Variants in DSCAM observed in about 807,000 individuals in gnomAD.
DSCAM encodes DS cell adhesion molecule.
Under a neutral mutation model 217.7 loss-of-function variants are expected in DSCAM, and 47 were observed. That is an observed-to-expected ratio of 0.22 (90% confidence interval 0.17 to 0.28). The LOEUF (loss-of-function observed/expected upper bound fraction) is 0.28, where lower values mean the gene tolerates loss of function less well. DSCAM is among the 10% of genes least tolerant of loss of function. DSCAM has a pLI of 1.00. For missense variants in DSCAM, 2,080 were observed against 2,618.3 expected (o/e 0.79, Z 4.49); for synonymous variants, 1,056 against 1,015.3 (o/e 1.04, Z -0.76).
intron 3 of DSCAM, among the ~76,000 whole-genome samples, chr21:40,509,843 G>C (rs1221208679): frequency 6.6e-6 from 1 of 152,156 alleles, no homozygotes; most frequent in Non-Finnish European, 1.5e-5. Context: ...AAAGAATCTA[G>C]GCTGGGTGAG....
chr21:40,026,407 G>A (rs1020019274), intron 32 of DSCAM, among the ~76,000 whole-genome samples: 1 of 140,082 alleles, frequency 7.1e-6, no homozygotes, highest in Non-Finnish European at 1.5e-5. Flanking sequence ...GCAGAGCTGA[G>A]TTCAATTCCT....
intron 10 of DSCAM, among the ~76,000 whole-genome samples, chr21:40,293,885 T>C (rs796143391): frequency 1.3e-5 from 2 of 152,278 alleles, no homozygotes; most frequent in African/African-American, 4.8e-5. Flanking sequence ...ATACATAGTA[T>C]ATTGTTGACT....
intron 3 of DSCAM, among the ~76,000 whole-genome samples, chr21:40,445,718 C>T (rs918437929): frequency 9.8e-5 from 15 of 152,286 alleles, no homozygotes; most frequent in African/African-American, 3.4e-4. Context: ...GTTAACTGAA[C>T]CCTTGCTCTG....
chr21:40,309,739 C>T lies in DSCAM; in HGVS notation c.2062+2342G>A, dbSNP rs114647830. On this transcript the variant is annotated intron_variant, in intron 9 of 32. Coordinates refer to ENST00000400454, the MANE Select transcript of DSCAM (RefSeq NM_001389.5). ...CATAAGCGTGTTTTATTTGCTTTAC[C>T]GCCAAAATAGATTGTGAATTCCACT... Among the ~76,000 whole-genome samples the T allele has an allele frequency of 5.5e-3, 835 of 152,222 alleles. 12 individuals are homozygous for T. The highest frequency in any genetic ancestry group is 0.019 in the African/African-American group (783 of 41,534).
Position 40,042,671 on chromosome 21 carries a change from G to A in DSCAM, c.5386C>T (p.Arg1796Ter). The A allele has an allele frequency of 6.2e-7, 1 of 1,602,590 alleles. No individual in the cohort carries two copies. The highest frequency in any genetic ancestry group is 8.5e-7 in the Non-Finnish European group (1 of 1,175,558). Residue 1796 changes from arginine (R) to a stop codon, truncating the protein, a stop_gained and splice_region_variant, in exon 32 of 33, where the codon CGA becomes TGA. Coordinates refer to ENST00000400454, the MANE Select transcript of DSCAM (RefSeq NM_001389.5). LOFTEE classifies it high-confidence loss of function. ...GTGGAGACCATGCTGCTTCTTGCTC[G>A]ATCTACACCAGGAAAGAGAAAAACA... ...YSVSPSQDTD[R>*]ARSSMVSTES...
At chr21:40,028,433 C>T (rs1423279837) in intron 32 of DSCAM, among the ~76,000 whole-genome samples, 2 of 151,508 alleles carry the variant, frequency 1.3e-5, no homozygotes, top group South Asian at 2.1e-4. Flanking sequence ...CAATGGCGGG[C>T]CCCCCTCCCC....
chr21:40,588,835 C>T (rs1399374978), intron 3 of DSCAM, among the ~76,000 whole-genome samples: 2 of 151,902 alleles, frequency 1.3e-5, no homozygotes, highest in East Asian at 1.9e-4. Context: ...ATTATGTTGA[C>T]AGAGGAAGAA....
At chr21:40,159,691 T>G (rs778941292) in intron 16 of DSCAM, among the ~76,000 whole-genome samples, 15 of 152,216 alleles carry the variant, frequency 9.9e-5, no homozygotes, top group Non-Finnish European at 1.5e-4. Flanking sequence ...CAAGGAATTA[T>G]TCTGCCTCAA....
intron 8 of DSCAM, 134 bp downstream of exon 8, chr21:40,337,967 C>G: frequency 8.8e-7 from 1 of 1,135,860 alleles, no homozygotes; most frequent in Non-Finnish European, 1.3e-6. Flanking sequence ...CTCATGTTCC[C>G]TGTCATTCTT....
intron 8 of DSCAM, among the ~76,000 whole-genome samples, chr21:40,318,877 T>A (rs539783122): frequency 6.6e-6 from 1 of 152,076 alleles, no homozygotes; most frequent in East Asian, 1.9e-4. Context: ...TTAACTGACA[T>A]TGACCTAGGC....
intron 32 of DSCAM, among the ~76,000 whole-genome samples, chr21:40,022,335 C>A (rs1385209892): frequency 6.6e-6 from 1 of 152,122 alleles, no homozygotes; most frequent in Non-Finnish European, 1.5e-5. Context: ...CAGAATAGCC[C>A]CTGCCACGAA....
intron 3 of DSCAM, among the ~76,000 whole-genome samples, chr21:40,519,865 C>CGT (rs35076900): frequency 0.18 from 27,314 of 150,366 alleles, 2,778 homozygotes; most frequent in South Asian, 0.29. Context: ...TGTGTGTATG[C>CGT]GTGTGTGTGT....
At chr21:40,656,844 G>A (rs2090082343) in intron 3 of DSCAM, among the ~76,000 whole-genome samples, 1 of 152,138 alleles carries the variant, frequency 6.6e-6, no homozygotes, top group Non-Finnish European at 1.5e-5. Flanking sequence ...ATGCTGGAGT[G>A]TATCTTATCT....
At chr21:40,151,768 C>T (rs1280054182) in intron 16 of DSCAM, among the ~76,000 whole-genome samples, 2 of 152,088 alleles carry the variant, frequency 1.3e-5, no homozygotes, top group Non-Finnish European at 2.9e-5. Context: ...GTGTGACAGC[C>T]GGGAAGTGTG....
At chr21:40,322,725 A>T (rs935223382) in intron 8 of DSCAM, among the ~76,000 whole-genome samples, 4 of 152,096 alleles carry the variant, frequency 2.6e-5, no homozygotes, top group Non-Finnish European at 5.9e-5. Flanking sequence ...GGGTTTCACC[A>T]TGTTAGCCAG....
intron 1 of DSCAM, among the ~76,000 whole-genome samples, chr21:40,740,997 A>G (rs2091117932): frequency 6.6e-6 from 1 of 152,216 alleles, no homozygotes; most frequent in African/African-American, 2.4e-5. Flanking sequence ...GCAGAAGGAC[A>G]AAGGCTGTTA....
rs757291744 is a variant in DSCAM, at chr21:40,012,862, AAAAG to A, written c.*168_*171del. ...GATGGAGCTCACACTCAGACAGAAA[AAAAG>A]CAGGAGAGTCTTTGCACTGTCTGTG... is the stretch of plus-strand genomic sequence containing the variant. On this transcript the variant is annotated 3_prime_UTR_variant, in exon 33 of 33. Coordinates refer to ENST00000400454, the MANE Select transcript of DSCAM (RefSeq NM_001389.5). 24 of 481,886 alleles carry A rather than the reference AAAAG, an allele frequency of 5.0e-5. No homozygotes were observed. Among genetic ancestry groups the A allele is most frequent in the Non-Finnish European group, 6.9e-5 (21 of 303,602 alleles). 29.9% of individuals were successfully genotyped at this position (481,886 alleles called of 1,614,324 possible). A position where few individuals can be genotyped will look rare whatever the true frequency, so the allele number is the denominator to read the frequency against.
intron 3 of DSCAM, among the ~76,000 whole-genome samples, chr21:40,437,287 T>C (rs545311259): frequency 1.3e-5 from 2 of 152,222 alleles, no homozygotes; most frequent in African/African-American, 4.8e-5. Context: ...ATTGCCACTC[T>C]AAGAATCACA....
At chr21:40,332,415 C>T (rs778059038) in intron 8 of DSCAM, among the ~76,000 whole-genome samples, 8 of 152,134 alleles carry the variant, frequency 5.3e-5, no homozygotes, top group Non-Finnish European at 1.2e-4. Context: ...GCTTTATCTA[C>T]GTTACAGAGT....
Sources: allele counts gnomAD v4.1 joint callset (sites outside exome capture counted in the v4.1 genomes callset), GRCh38; gene constraint gnomAD v4.1.1; transcripts MANE v1.5; gene names NCBI Gene and HGNC (gene_info 2026-07-23, HGNC 2026-07-21).